Variants in DCHS2 observed in about 807,000 individuals in gnomAD.
DCHS2 encodes protocadherin-23.
A neutral mutation model predicts 182.4 loss-of-function variants in DCHS2; 142 were observed. That is an observed-to-expected ratio of 0.78 (90% CI 0.68 to 0.89). The LOEUF (loss-of-function observed/expected upper bound fraction) is 0.89, where lower values mean the gene tolerates loss of function less well. DCHS2 is among the 40% of genes least tolerant of loss of function. DCHS2 has a pLI of 0.00. For missense variants in DCHS2, 4,319 were observed against 4,198.6 expected, an observed-to-expected ratio of 1.03 and a Z score of -0.79; for synonymous variants, 1,740 against 1,663.3, an observed-to-expected ratio of 1.05 and a Z score of -1.12.
At position 154,334,905 on chromosome 4, in the gene DCHS2, A is replaced by G; in HGVS notation, c.2676T>C (p.Asp892=). 1 of 1,614,214 alleles carries G rather than the reference A, an allele frequency of 6.2e-7. No individual in the cohort carries two copies. Among genetic ancestry groups the G allele is most frequent in the Non-Finnish European group, 8.5e-7 (1 of 1,180,018 alleles). ...TFLVYEDVPE[D]SPIGTVKARE... ...TTGCTTTCACTGTTCCAATGGGACT[A>G]TCTTCAGGCACATCTTCATAAACTA... The change falls in exon 4 of 20, where the codon GAT becomes GAC. Residue 892 remains aspartate, a synonymous_variant. Coordinates refer to ENST00000357232, the MANE Select transcript of DCHS2 (RefSeq NM_001358235.2).
chr4:154,308,962 C>T (rs1161769928), intron 10 of DCHS2, among the ~76,000 whole-genome samples: 1 of 152,160 alleles, frequency 6.6e-6, no homozygotes, highest in Non-Finnish European at 1.5e-5. Context: ...GAAGAAAGAA[C>T]ATTTGAATGA....
intron 1 of DCHS2, 48 bp downstream of exon 1, chr4:154,489,256 C>T (rs1183955714): frequency 7.1e-7 from 1 of 1,412,612 alleles, no homozygotes; most frequent in Non-Finnish European, 9.4e-7. Context: ...CAACCCTCTC[C>T]ATCCCTTCCC....
chr4:154,413,294 G>C (rs1732703753), intron 1 of DCHS2, among the ~76,000 whole-genome samples: 1 of 152,148 alleles, frequency 6.6e-6, no homozygotes, highest in Non-Finnish European at 1.5e-5. Context: ...TTCCAAAGTA[G>C]AAGCAATCTT....
intron 15 of DCHS2, among the ~76,000 whole-genome samples, chr4:154,258,058 A>G (rs1732785358): frequency 6.6e-6 from 1 of 152,308 alleles, no homozygotes. Context: ...TGCCATCCCC[A>G]CTGATCAGCC....
rs538107270 is a variant in DCHS2, at chr4:154,412,824, G to A, written c.2053-35380C>T. On this transcript the variant is annotated intron_variant, in intron 1 of 19. Transcript: ENST00000357232. Reference sequence around the variant, plus strand: ...TTACTGAAAAACCCTGTGGAATGCTGAAATTCTAACTAAACTCCCTGATAA... The same window carrying A: ...TTACTGAAAAACCCTGTGGAATGCTAAAATTCTAACTAAACTCCCTGATAA... 2.6e-5 allele frequency among the ~76,000 whole-genome samples: 4 copies of A among 152,304 alleles called. No homozygotes were observed. The East Asian group carries it at 7.7e-4, about 29-fold the overall frequency.
intron 3 of DCHS2, among the ~76,000 whole-genome samples, chr4:154,338,839 T>C (rs149993874): frequency 1.0e-3 from 152 of 152,338 alleles, no homozygotes; most frequent in African/African-American, 3.5e-3. Context: ...TGAGTCTATG[T>C]TATCAATCCA....
chr4:154,340,265 AT>A (rs1477686607), intron 3 of DCHS2, among the ~76,000 whole-genome samples: 2 of 152,246 alleles, frequency 1.3e-5, no homozygotes, highest in African/African-American at 2.4e-5. Flanking sequence ...AAATGAAGAT[AT>A]TAAAGGGATT....
intron 1 of DCHS2, among the ~76,000 whole-genome samples, chr4:154,488,214 C>A (rs1348822661): frequency 4.1e-5 from 6 of 146,828 alleles, no homozygotes; most frequent in East Asian, 2.0e-4. Context: ...AAATCGGAAG[C>A]AAAAAAAAAA....
At chr4:154,343,467 C>T (rs770359477) in intron 3 of DCHS2, 134 of 1,435,512 alleles carry the variant, frequency 9.3e-5, no homozygotes, top group Non-Finnish European at 1.2e-4. Context: ...AGTGTAACCA[C>T]CTTCACCAAG....
At chr4:154,462,068 C>T (rs985794541) in intron 1 of DCHS2, among the ~76,000 whole-genome samples, 13 of 152,240 alleles carry the variant, frequency 8.5e-5, no homozygotes, top group East Asian at 3.9e-4. Context: ...CTCACCCGCC[C>T]CACTCCCAAC....
Position 154,320,743 on chromosome 4 carries a change from G to C in DCHS2, c.4656C>G (p.Ser1552=), listed in dbSNP as rs1264304250. 1 of 1,614,008 alleles carries C rather than the reference G, an allele frequency of 6.2e-7. No homozygotes were observed. The highest frequency in any genetic ancestry group is 1.7e-5 in the Admixed American group (1 of 59,998). The change falls in exon 9 of 20, where the codon TCC becomes TCG. Residue 1552 remains serine, a synonymous_variant. Coordinates refer to ENST00000357232, the MANE Select transcript of DCHS2 (RefSeq NM_001358235.2). ...LNSRIQYYIE[S]HNPGTNPFLI... is the part of the protein sequence containing the mutation. Reference sequence around the variant, plus strand: ...GAAATGGATTCGTGCCAGGGTTGTGGGATTCAATGTAGTATTGTATTCTAC... The same window carrying C: ...GAAATGGATTCGTGCCAGGGTTGTGCGATTCAATGTAGTATTGTATTCTAC...
intron 13 of DCHS2, among the ~76,000 whole-genome samples, chr4:154,292,800 G>A (rs993253257): frequency 1.2e-4 from 18 of 152,138 alleles, no homozygotes; most frequent in African/African-American, 4.3e-4. Context: ...CCAGCAGGTG[G>A]CAGCCCACTA....
At chr4:154,264,478 G>A (rs1020165661) in intron 14 of DCHS2, among the ~76,000 whole-genome samples, 2 of 152,080 alleles carry the variant, frequency 1.3e-5, no homozygotes, top group African/African-American at 4.8e-5. Context: ...GAGAAAGACA[G>A]ATGAAAAATA....
chr4:154,366,953 G>C, intron 2 of DCHS2, among the ~76,000 whole-genome samples: 1 of 152,170 alleles, frequency 6.6e-6, no homozygotes, highest in East Asian at 1.9e-4. Flanking sequence ...GGGGTGCCCT[G>C]GTGAAGCCTT....
chr4:154,462,629 G>A (rs1366001598), intron 1 of DCHS2, among the ~76,000 whole-genome samples: 1 of 152,098 alleles, frequency 6.6e-6, no homozygotes, highest in Non-Finnish European at 1.5e-5. Flanking sequence ...TCTGACTCTG[G>A]ATTTTGTATA....
rs1207740929 is a variant in DCHS2, at chr4:154,490,294, G to A, written c.1062C>T (p.Ala354=). Residue 354 remains alanine (A), a synonymous_variant, in exon 1 of 20, where the codon GCC becomes GCT. Coordinates refer to ENST00000357232, the MANE Select transcript of DCHS2 (RefSeq NM_001358235.2). ...CGCTCAGCTCCTCCACCGCGAAGTA[G>A]GCCGCGTCGCCCAGTGCCCCGCCGC... The part of the protein sequence containing the change: ...GSGGGALGDA[A]YFAVEELSGV... 1 of 1,547,486 alleles carries A rather than the reference G, an allele frequency of 6.5e-7. No homozygotes were observed. Among genetic ancestry groups the A allele is most frequent in the Non-Finnish European group, 8.7e-7 (1 of 1,146,652 alleles).
chr4:154,382,839 A>G (rs1308344117), intron 1 of DCHS2, among the ~76,000 whole-genome samples: 1 of 152,160 alleles, frequency 6.6e-6, no homozygotes, highest in Admixed American at 6.5e-5. Context: ...TTGAAAAGTC[A>G]AAAAATAACA....
rs992642806 is a variant in DCHS2, at chr4:154,490,672, C to G, written c.684G>C (p.Pro228=). Residue 228 remains proline (P), a synonymous_variant, in exon 1 of 20, where the codon CCG becomes CCC. Transcript: ENST00000357232. The part of the protein sequence containing the change: ...GPFFQLRYRT[P]GPLPSPLLPG... ...GCAAAAGCGGTGACGGTAGTGGCCCCGGAGTCCGGTAGCGCAACTGGAAGA... is the reference window on the plus strand; with the variant it reads ...GCAAAAGCGGTGACGGTAGTGGCCCGGGAGTCCGGTAGCGCAACTGGAAGA... 3.9e-6 allele frequency: 6 copies of G among 1,551,448 alleles called. No individual in the cohort carries two copies. The East Asian group carries it at 9.8e-5, about 25-fold the overall frequency.
At chr4:154,464,313 G>C (rs900697607) in intron 1 of DCHS2, among the ~76,000 whole-genome samples, 71 of 152,128 alleles carry the variant, frequency 4.7e-4, no homozygotes, top group Admixed American at 3.3e-4. Flanking sequence ...AATGAATGTG[G>C]AGTTTGATTC....
Sources: gnomAD v4.1 joint callset for allele counts (sites outside exome capture counted in the v4.1 genomes callset) on GRCh38, gnomAD v4.1.1 for gene constraint, MANE v1.5 for transcripts, NCBI Gene and HGNC (gene_info 2026-07-23, HGNC 2026-07-21) for gene names.